The following ILKAP variants were observed in gnomAD, a reference collection of about 807,000 sequenced individuals.
The protein encoded by ILKAP is integrin-linked kinase-associated serine/threonine phosphatase 2C.
ILKAP carries 11 observed loss-of-function variants against 49.1 expected under a neutral mutation model. That is an observed-to-expected ratio of 0.22 (90% CI 0.14 to 0.37). The LOEUF is 0.37. ILKAP is among the 10% of genes least tolerant of loss of function. The pLI, the probability that ILKAP is intolerant of heterozygous loss-of-function variation, is 1.00. For synonymous variants in ILKAP, 186 were observed against 192.8 expected (o/e 0.96, Z 0.29); for missense variants, 363 against 510.8 (o/e 0.71, Z 2.79).
chr2:238,177,393 GTTGTGT>G (rs1469571604), intron 9 of ILKAP, among the ~76,000 whole-genome samples: 21 of 152,232 alleles, frequency 1.4e-4, no homozygotes, highest in Middle Eastern at 3.4e-3. Flanking sequence ...TATTCACACT[GTTGTGT>G]TATCAGCACC....
At chr2:238,188,817 A>G (rs1477765959) in intron 4 of ILKAP, among the ~76,000 whole-genome samples, 2 of 152,190 alleles carry the variant, frequency 1.3e-5, no homozygotes, top group African/African-American at 2.4e-5. Context: ...TAATGGTTAG[A>G]CTCATTTAAG....
At chr2:238,197,911 A>G (rs1384573860) in intron 1 of ILKAP, among the ~76,000 whole-genome samples, 1 of 152,094 alleles carries the variant, frequency 6.6e-6, no homozygotes, top group Non-Finnish European at 1.5e-5. Context: ...CCGATGAAAA[A>G]ACTGAGGCAC....
rs777414000 is a variant in ILKAP at position 238,173,602 on chromosome 2, C to T, written c.888G>A (p.Gly296=). The T allele has an allele frequency of 2.5e-6, 4 of 1,614,092 alleles. No homozygotes were observed. In the East Asian group the frequency reaches 6.7e-5, roughly 27 times the overall value. Residue 296 remains glycine (G), a synonymous_variant, in exon 10 of 12, where the codon GGG becomes GGA. Coordinates refer to ENST00000254654, the MANE Select transcript of ILKAP (RefSeq NM_030768.3). The part of the protein sequence containing the change: ...VLEVSRSIGD[G]QYKRCGVTSV... ...AGGTGACACCGCAGCGCTTGTACTGCCCGTCCCCAATGGAGCGTGACACCT... is the reference window on the plus strand; with the variant it reads ...AGGTGACACCGCAGCGCTTGTACTGTCCGTCCCCAATGGAGCGTGACACCT...
chr2:238,189,316 A>G (rs1694028351), intron 4 of ILKAP, among the ~76,000 whole-genome samples: 1 of 152,164 alleles, frequency 6.6e-6, no homozygotes, highest in South Asian at 2.1e-4. Context: ...TCTCAAAAAA[A>G]AGAGAAAAAA....
At chr2:238,193,773 C>T in intron 3 of ILKAP, among the ~76,000 whole-genome samples, 1 of 152,216 alleles carries the variant, frequency 6.6e-6, no homozygotes, top group Non-Finnish European at 1.5e-5. Context: ...CCCTCACCTT[C>T]CCCAACCAGA....
chr2:238,180,959 T>A (rs1693665183), intron 9 of ILKAP, among the ~76,000 whole-genome samples: 1 of 152,248 alleles, frequency 6.6e-6, no homozygotes, highest in Non-Finnish European at 1.5e-5. Context: ...ACCAGGACAG[T>A]AGTTACGGTG....
chr2:238,185,394 G>A, intron 5 of ILKAP, 107 bp from the exon 6 acceptor site: 1 of 699,276 alleles, frequency 1.4e-6, no homozygotes, highest in Non-Finnish European at 2.5e-6. Context: ...TAAGTCAGAG[G>A]AAGTCACACT....
intron 9 of ILKAP, among the ~76,000 whole-genome samples, chr2:238,175,494 C>T (rs1161930462): frequency 1.3e-5 from 2 of 152,148 alleles, no homozygotes; most frequent in Non-Finnish European, 1.5e-5. Flanking sequence ...CCAGGAAACG[C>T]GTTTGGTAAC....
chr2:238,182,064 C>T lies in ILKAP; in HGVS notation c.836+1G>A. 6.2e-7 allele frequency: 1 copy of T among 1,613,048 alleles called. No homozygotes were observed. Among genetic ancestry groups the T allele is most frequent in the Non-Finnish European group, 8.5e-7 (1 of 1,179,238 alleles). On this transcript the variant is annotated splice_donor_variant, in intron 9 of 11. Coordinates refer to ENST00000254654, the MANE Select transcript of ILKAP (RefSeq NM_030768.3). LOFTEE classifies it high-confidence loss of function. Reference sequence around the variant, plus strand: ...TGAGCTCCTCTCAGTCCCTTGGTTACCTGACGTTTCCTCCAGCCTTCTGTA... The same window carrying T: ...TGAGCTCCTCTCAGTCCCTTGGTTATCTGACGTTTCCTCCAGCCTTCTGTA...
intron 3 of ILKAP, among the ~76,000 whole-genome samples, chr2:238,192,109 G>C: frequency 6.6e-6 from 1 of 150,830 alleles, no homozygotes; most frequent in South Asian, 2.1e-4. Context: ...CTACTCGGGA[G>C]GCTTAGACAG....
In ILKAP at chr2:238,172,025, G is replaced by A. The variant is rs190239172; in HGVS notation, c.957-1001C>T. 8.1e-4 allele frequency among the ~76,000 whole-genome samples: 123 copies of A among 151,232 alleles called. 1 individual carries two copies. Among genetic ancestry groups the A allele is most frequent in the African/African-American group, 2.9e-3 (119 of 41,224 alleles). ...TGTAATATCTGTGGGGTTTTTTTGT[G>A]TTTTTTTTTCTTTGTTTTTTGTTGC... On this transcript the variant is annotated intron_variant, in intron 10 of 11. Coordinates refer to ENST00000254654, the MANE Select transcript of ILKAP (RefSeq NM_030768.3).
intron 1 of ILKAP, among the ~76,000 whole-genome samples, chr2:238,195,915 C>G (rs148801863): frequency 6.6e-6 from 1 of 151,276 alleles, no homozygotes; most frequent in Non-Finnish European, 1.5e-5. Flanking sequence ...TGGTGGCAGG[C>G]GCCTGTAGTC....
intron 1 of ILKAP, among the ~76,000 whole-genome samples, chr2:238,196,388 G>A (rs1339199112): frequency 6.6e-6 from 1 of 152,014 alleles, no homozygotes; most frequent in Admixed American, 6.6e-5. Flanking sequence ...ACCATGTCTG[G>A]TCTAATTTTT....
intron 9 of ILKAP, 31 bp from the exon 10 acceptor site, chr2:238,173,684 T>C (rs547398487): frequency 1.2e-6 from 2 of 1,608,100 alleles, no homozygotes; most frequent in Admixed American, 1.7e-5. Context: ...TTTCAGACTC[T>C]ACCTGACAGA....
Position 238,170,449 on chromosome 2 carries a change from A to T in ILKAP, c.*87T>A. ...TTATTTACAACCATGGGAGTCCCAC[A>T]GGAGTACACAAAACACACAATGTGC... On this transcript the variant is annotated 3_prime_UTR_variant, in exon 12 of 12. Coordinates refer to ENST00000254654, the MANE Select transcript of ILKAP (RefSeq NM_030768.3). The T allele has an allele frequency of 7.2e-7, 1 of 1,387,520 alleles. No homozygotes were observed. The highest frequency in any genetic ancestry group is 1.4e-5 in the South Asian group (1 of 70,726). The allele number at this position is 1,387,520 out of a possible 1,614,324, so 86.0% of individuals were successfully genotyped here.
chr2:238,190,025 A>AC, intron 3 of ILKAP, 53 bp from the exon 4 acceptor site: 2 of 1,592,118 alleles, frequency 1.3e-6, no homozygotes, highest in Non-Finnish European at 1.7e-6. Context: ...TGTTGGAAAA[A>AC]GTCACTAGTA....
At chr2:238,180,764 G>C (rs1452151290) in intron 9 of ILKAP, among the ~76,000 whole-genome samples, 1 of 152,206 alleles carries the variant, frequency 6.6e-6, no homozygotes, top group African/African-American at 2.4e-5. Context: ...GTAAGGACTG[G>C]GATATAGGAA....
chr2:238,183,845 T>A (rs1043539452), intron 7 of ILKAP, 105 bp from the exon 8 acceptor site: 1 of 1,006,732 alleles, frequency 9.9e-7, no homozygotes, highest in Non-Finnish European at 1.5e-6. Context: ...AAATGAACCA[T>A]TTCCTTGATA....
intron 4 of ILKAP, chr2:238,189,627 A>G (rs1356405923): frequency 5.9e-6 from 2 of 341,018 alleles, no homozygotes; most frequent in Non-Finnish European, 1.1e-5. Flanking sequence ...TTGAGGAACA[A>G]ATGTAGGTTT....
Sources: gnomAD v4.1 joint callset for allele counts (sites outside exome capture counted in the v4.1 genomes callset) on GRCh38, gnomAD v4.1.1 for gene constraint, MANE v1.5 for transcripts, NCBI Gene and HGNC (gene_info 2026-07-23, HGNC 2026-07-21) for gene names.